COL4A4: variants seen among roughly 807,000 people sequenced by gnomAD.
The protein encoded by COL4A4 is collagen type IV alpha 4 chain, also known as collagen alpha-4(IV) chain.
COL4A4 carries 105 observed loss-of-function variants against 192.9 expected under a neutral mutation model. The ratio of observed to expected loss-of-function variants is 0.54; its 90% CI spans 0.46 to 0.64. COL4A4 has a LOEUF of 0.64. Among genes scored for constraint, COL4A4 ranks in the 30% least tolerant of loss-of-function variants. The probability of loss-of-function intolerance (pLI) is 0.00; values close to 1 mark genes in which losing one functional copy is unlikely to be tolerated. For missense variants in COL4A4, 1,967 were observed against 2,169.3 expected, an observed-to-expected ratio of 0.91 and a Z score of 1.85; for synonymous variants, 762 against 769.9, an observed-to-expected ratio of 0.99 and a Z score of 0.17.
At chr2:227,054,817 TCTCA>T in intron 30 of COL4A4, 80 bp from the exon 31 acceptor site, 1 of 1,454,640 alleles carries the variant, frequency 6.9e-7, no homozygotes, top group Non-Finnish European at 9.4e-7. Flanking sequence ...GTGGACAGAG[TCTCA>T]CTCTGTCACC....
intron 42 of COL4A4, among the ~76,000 whole-genome samples, chr2:227,026,388 C>T (rs1388058592): frequency 6.6e-6 from 1 of 151,964 alleles, no homozygotes; most frequent in Admixed American, 6.6e-5. Context: ...GTCCCAGCTA[C>T]TCCGGAGGCT....
chr2:227,126,488 T>A (rs2062098070), intron 4 of COL4A4, among the ~76,000 whole-genome samples: 1 of 152,274 alleles, frequency 6.6e-6, no homozygotes. Context: ...TGAGCTATAA[T>A]GTAGGTGTTG....
chr2:227,056,253 C>A, intron 29 of COL4A4, 138 bp from the exon 30 acceptor site: 1 of 739,546 alleles, frequency 1.4e-6, no homozygotes, highest in East Asian at 2.7e-5. Flanking sequence ...ACAGTAGCAA[C>A]TTTCCATCAA....
the COL4A4 span, among the ~76,000 whole-genome samples, chr2:226,984,694 A>G: frequency 5.2e-4 from 79 of 152,254 alleles, 1 homozygote; most frequent in African/African-American, 1.8e-3. Context: ...GAAAGGAACC[A>G]CTGGTGCTGG....
chr2:226,981,435 CA>C, the COL4A4 span, among the ~76,000 whole-genome samples: 1,587 of 136,742 alleles, frequency 0.012, 6 homozygotes, highest in Admixed American at 0.022. Context: ...CATTGAACTT[CA>C]AAAAAAAAAA....
At position 227,087,212 on chromosome 2, in the gene COL4A4, A is replaced by G. The variant is rs554454883; in HGVS notation, c.1623+1441T>C. Among the ~76,000 whole-genome samples, 4 of 152,314 alleles carry G rather than the reference A, an allele frequency of 2.6e-5. No homozygotes were observed. In the East Asian group the frequency reaches 7.7e-4, roughly 29 times the overall value. On this transcript the variant is annotated intron_variant, in intron 22 of 47. Transcript: ENST00000396625. ...CATCTGTAACTTTCACCAAATGAGAACCACCTTGAGGTAAATCTCATCCAC... is the reference window on the plus strand; with the variant it reads ...CATCTGTAACTTTCACCAAATGAGAGCCACCTTGAGGTAAATCTCATCCAC...
chr2:227,091,922 G>GAAAGA (rs1553674153), intron 20 of COL4A4, among the ~76,000 whole-genome samples: 1,962 of 60,288 alleles, frequency 0.033, 13 homozygotes, highest in Non-Finnish European at 0.048. Context: ...AAGAAAGAAA[G>GAAAGA]AAAGAAAAGA....
In COL4A4 at chr2:227,062,522, G is replaced by T; in HGVS notation, c.2056+8C>A. 2 of 1,545,742 alleles carry T rather than the reference G, an allele frequency of 1.3e-6. No individual in the cohort carries two copies. Among genetic ancestry groups the T allele is most frequent in the Non-Finnish European group, 1.8e-6 (2 of 1,118,750 alleles). ...GTATATAAGACAGTAACTTCTCATT[G>T]ATAATACCTGGAGGTCCATCAAAAC... On this transcript the variant is annotated splice_region_variant and intron_variant, in intron 26 of 47. Coordinates refer to ENST00000396625, the MANE Select transcript of COL4A4 (RefSeq NM_000092.5).
At chr2:227,135,972 T>C (rs1179009481) in intron 4 of COL4A4, among the ~76,000 whole-genome samples, 2 of 152,092 alleles carry the variant, frequency 1.3e-5, no homozygotes, top group Non-Finnish European at 2.9e-5. Flanking sequence ...AATTTATGTG[T>C]ATTAACTGCC....
Position 227,052,292 on chromosome 2 carries a change from C to G in COL4A4, c.2968+13G>C. 6.9e-7 allele frequency: 1 copy of G among 1,456,818 alleles called. No individual in the cohort carries two copies. The highest frequency in any genetic ancestry group is 1.1e-5 in the South Asian group (1 of 87,714). The allele number at this position is 1,456,818 out of a possible 1,614,324, so 90.2% of individuals were successfully genotyped here. ...AACTTATTTGATATGGTTAAAAACT[C>G]TTAAGTGTTTACCTCTTTCTCCTGG... On this transcript the variant is annotated intron_variant, in intron 32 of 47. Coordinates refer to ENST00000396625, the MANE Select transcript of COL4A4 (RefSeq NM_000092.5).
chr2:227,110,423 G>A (rs534731414), intron 9 of COL4A4, among the ~76,000 whole-genome samples: 14 of 152,250 alleles, frequency 9.2e-5, no homozygotes, highest in East Asian at 1.9e-4. Flanking sequence ...AGTCTCTGTC[G>A]CCCAGGCTGG....
intron 26 of COL4A4, 77 bp from the exon 27 acceptor site, chr2:227,060,320 A>C (rs577190555): frequency 1.2e-3 from 1,225 of 1,027,818 alleles, no homozygotes; most frequent in Middle Eastern, 3.9e-3. Context: ...ATTTTCTTTA[A>C]GTCTATGTTA....
intron 19 of COL4A4, among the ~76,000 whole-genome samples, chr2:227,097,313 T>C (rs1576475921): frequency 6.6e-6 from 1 of 152,334 alleles, no homozygotes; most frequent in East Asian, 1.9e-4. Context: ...ATGAATGGGA[T>C]AGAAGAGTGT....
chr2:227,052,353 G>A lies in COL4A4; in HGVS notation c.2920C>T (p.Pro974Ser). ...EMAIISQKGTPGEPGPPGDDG... is the reference protein window; with the variant it reads ...EMAIISQKGTSGEPGPPGDDG... ...TCTCCAGGAGGTCCAGGTTCCCCAG[G>A]TGTTCCCTTTTGTGAAATGATAGCC... The change falls in exon 32 of 48, where the codon CCT becomes TCT. Residue 974 changes from proline to serine, a missense_variant. Pro to Ser is a moderately conservative substitution (Grantham distance 74). Transcript: ENST00000396625. 6.2e-7 allele frequency: 1 copy of A among 1,613,554 alleles called. No individual in the cohort carries two copies. The highest frequency in any genetic ancestry group is 1.3e-5 in the African/African-American group (1 of 75,010).
At chr2:227,133,842 G>A (rs2062639489) in intron 4 of COL4A4, among the ~76,000 whole-genome samples, 2 of 150,810 alleles carry the variant, frequency 1.3e-5, no homozygotes, top group Non-Finnish European at 2.9e-5. Context: ...AGTGAGCCAA[G>A]ATAGCGCCAC....
Position 227,071,679 on chromosome 2 carries a change from CTG to C in COL4A4, c.1987+6213_1987+6214del, listed in dbSNP as rs899784139. Among the ~76,000 whole-genome samples, 100 of 152,030 alleles carry C rather than the reference CTG, an allele frequency of 6.6e-4. 5 individuals carry two copies. The highest frequency in any genetic ancestry group is 2.9e-5 in the Non-Finnish European group (2 of 67,952). On this transcript the variant is annotated intron_variant, in intron 25 of 47. Transcript: ENST00000396625. ...ATAAGTCTCAATAAATTTTTTAAAA[CTG>C]AAATTGTATCAAGTATCTTCTCAGA...
intron 44 of COL4A4, among the ~76,000 whole-genome samples, chr2:227,016,229 C>T (rs994524996): frequency 6.6e-6 from 1 of 152,234 alleles, no homozygotes; most frequent in African/African-American, 2.4e-5. Flanking sequence ...AAAGAACGAT[C>T]GGGCCCCAAA....
At chr2:227,010,274 C>T (rs752860664) in intron 46 of COL4A4, 39 bp downstream of exon 46, 459 of 1,609,622 alleles carry the variant, frequency 2.9e-4, no homozygotes, top group Non-Finnish European at 3.6e-4. Context: ...CCAAATTTTA[C>T]TCTTCAGGCA....
chr2:227,040,194 A>G (rs1290125261), intron 37 of COL4A4, among the ~76,000 whole-genome samples: 1 of 152,232 alleles, frequency 6.6e-6, no homozygotes, highest in Non-Finnish European at 1.5e-5. Flanking sequence ...GAAAGGAGGG[A>G]CTTTTTATTT....
Sources: gnomAD v4.1 joint callset for allele counts (sites outside exome capture counted in the v4.1 genomes callset) on GRCh38, gnomAD v4.1.1 for gene constraint, MANE v1.5 for transcripts, NCBI Gene and HGNC (gene_info 2026-07-23, HGNC 2026-07-21) for gene names.